CDKN3: variants seen among roughly 807,000 people sequenced by gnomAD.
CDKN3 encodes the protein cyclin dependent kinase inhibitor 3.
CDKN3 carries 19 observed loss-of-function variants against 36.1 expected under a neutral mutation model. The ratio of observed to expected loss-of-function variants is 0.53; its 90% CI spans 0.37 to 0.77. The LOEUF (loss-of-function observed/expected upper bound fraction) is 0.77, where lower values mean the gene tolerates loss of function less well. Among genes scored for constraint, CDKN3 ranks in the 30% least tolerant of loss-of-function variants. CDKN3 has a pLI of 0.00. For synonymous variants in CDKN3, 71 were observed against 85.3 expected (o/e 0.83, Z 0.92); for missense variants, 188 against 248.6 (o/e 0.76, Z 1.64).
chr14:54,417,427 G>A (rs1394462819), intron 6 of CDKN3, among the ~76,000 whole-genome samples: 2 of 152,214 alleles, frequency 1.3e-5, no homozygotes, highest in Non-Finnish European at 2.9e-5. Flanking sequence ...TTCCGTTTAT[G>A]TGATTGCTCA....
rs1299244939 is a variant in CDKN3, at chr14:54,397,063, C to T, written c.-6C>T. The T allele has an allele frequency of 6.7e-7, 1 of 1,500,076 alleles. No individual in the cohort carries two copies. The highest frequency in any genetic ancestry group is 8.9e-7 in the Non-Finnish European group (1 of 1,121,604). The allele number at this position is 1,500,076 out of a possible 1,614,324, so 92.9% of individuals were successfully genotyped here. A position where few individuals can be genotyped will look rare whatever the true frequency, so the allele number is the denominator to read the frequency against. On this transcript the variant is annotated 5_prime_UTR_variant, in exon 1 of 8. Coordinates refer to ENST00000335183, the MANE Select transcript of CDKN3 (RefSeq NM_005192.4). ...CGGCACTGGTCTCGACGTGGGGCGG[C>T]CAGCGATGAAGCCGGTGAGTCGGAC...
At chr14:54,415,823 C>G in intron 5 of CDKN3, 76 bp from the exon 6 acceptor site, 1 of 1,018,272 alleles carries the variant, frequency 9.8e-7, no homozygotes, top group Non-Finnish European at 1.6e-6. Flanking sequence ...AAATAGAAGG[C>G]AGAAAGAGCA....
intron 3 of CDKN3, among the ~76,000 whole-genome samples, chr14:54,408,061 G>A (rs2030221916): frequency 6.6e-6 from 1 of 152,228 alleles, no homozygotes; most frequent in South Asian, 2.1e-4. Context: ...TGGAAATTAT[G>A]TTGCTATAAA....
In CDKN3 at chr14:54,417,921, A is replaced by G. The variant is rs2030603829; in HGVS notation, c.522A>G (p.Leu174=). The part of the protein sequence containing the change: ...PEQAIDSLRD[L]RGSGAIQTIK... The stretch of plus-strand genomic sequence containing the variant: ...AAGCCATAGACAGCCTGCGAGACCT[A>G]AGAGGATCCGGGGCAATACAGACCA... The change falls in exon 7 of 8, where the codon CTA becomes CTG. Residue 174 remains leucine, a synonymous_variant. Coordinates refer to ENST00000335183, the MANE Select transcript of CDKN3 (RefSeq NM_005192.4). The G allele has an allele frequency of 2.5e-6, 4 of 1,594,122 alleles. No homozygotes were observed. Among genetic ancestry groups the G allele is most frequent in the East Asian group, 2.3e-5 (1 of 44,390 alleles).
intron 3 of CDKN3, among the ~76,000 whole-genome samples, chr14:54,407,627 A>C (rs2139976203): frequency 6.6e-6 from 1 of 152,272 alleles, no homozygotes; most frequent in Middle Eastern, 3.4e-3. Flanking sequence ...CAAACTTCCG[A>C]CTGGCTTTGT....
chr14:54,418,373 T>C, intron 7 of CDKN3: 1 of 670,602 alleles, frequency 1.5e-6, no homozygotes, highest in Non-Finnish European at 2.7e-6. Flanking sequence ...CACCAAAACA[T>C]TTAATAAAGA....
At chr14:54,417,143 A>T (rs1292845513) in intron 6 of CDKN3, among the ~76,000 whole-genome samples, 1 of 152,260 alleles carries the variant, frequency 6.6e-6, no homozygotes, top group Non-Finnish European at 1.5e-5. Flanking sequence ...ACAAGTAAAC[A>T]TTAACATATG....
At chr14:54,398,878 G>A (rs1886393674) in intron 1 of CDKN3, among the ~76,000 whole-genome samples, 1 of 152,074 alleles carries the variant, frequency 6.6e-6, no homozygotes, top group Admixed American at 6.6e-5. Flanking sequence ...TTTGAGAAAA[G>A]GGGTGGGCAA....
intron 5 of CDKN3, 117 bp from the exon 6 acceptor site, chr14:54,415,782 T>C: frequency 2.6e-6 from 2 of 759,928 alleles, no homozygotes; most frequent in Non-Finnish European, 4.7e-6. Context: ...AATCTTCGTG[T>C]GCAAGGCACT....
chr14:54,410,049 T>C (rs1258731091), intron 4 of CDKN3, among the ~76,000 whole-genome samples: 2 of 152,206 alleles, frequency 1.3e-5, no homozygotes, highest in Non-Finnish European at 2.9e-5. Context: ...AAGCAAAATA[T>C]ATGTAATTTA....
chr14:54,401,420 A>T, intron 2 of CDKN3, 104 bp from the exon 3 acceptor site: 1 of 679,454 alleles, frequency 1.5e-6, no homozygotes, highest in Non-Finnish European at 2.6e-6. Flanking sequence ...TAAAACTTTA[A>T]CACAACTTTA....
At chr14:54,397,556 C>T (rs1384254626) in intron 1 of CDKN3, among the ~76,000 whole-genome samples, 1 of 152,218 alleles carries the variant, frequency 6.6e-6, no homozygotes, top group Admixed American at 6.5e-5. Context: ...TGCCCCAGGG[C>T]CACCTGGCAA....
In CDKN3 at chr14:54,418,812, C is replaced by T. The variant is rs145200646; in HGVS notation, c.552+861C>T. Among the ~76,000 whole-genome samples, 352 of 152,284 alleles carry T rather than the reference C, an allele frequency of 2.3e-3. 3 individuals carry two copies. The highest frequency in any genetic ancestry group is 8.2e-3 in the African/African-American group (341 of 41,560). ...AAGGTCATTAACGGGACAATCCATA[C>T]AAGATCCACTCCACTGTACAGGTCT... is the stretch of plus-strand genomic sequence containing the variant. On this transcript the variant is annotated intron_variant, in intron 7 of 7. Transcript: ENST00000335183.
intron 2 of CDKN3, 63 bp from the exon 3 acceptor site, chr14:54,401,461 T>C: frequency 8.7e-7 from 1 of 1,151,174 alleles, no homozygotes; most frequent in Non-Finnish European, 1.3e-6. Flanking sequence ...TTGATTAAAC[T>C]GAATTTCCAT....
chr14:54,414,427 T>C (rs1312599317), intron 5 of CDKN3, among the ~76,000 whole-genome samples: 2 of 151,878 alleles, frequency 1.3e-5, no homozygotes, highest in African/African-American at 2.4e-5. Flanking sequence ...GAAATGAAAT[T>C]TGAGGTTTTA....
rs933207294 is a variant in CDKN3, at chr14:54,414,613, A to G, written c.417-1286A>G. On this transcript the variant is annotated intron_variant, in intron 5 of 7. Transcript: ENST00000335183. ...CAGGCTGGAGTGCAGTGGCACTGTC[A>G]TAGCTCACTGTAGCCTTGAACTGCC... 2.7e-5 allele frequency among the ~76,000 whole-genome samples: 4 copies of G among 149,722 alleles called. 1 individual carries two copies. The highest frequency in any genetic ancestry group is 5.9e-5 in the Non-Finnish European group (4 of 67,682).
intron 1 of CDKN3, among the ~76,000 whole-genome samples, chr14:54,398,764 C>G (rs1229121301): frequency 6.6e-6 from 1 of 152,092 alleles, no homozygotes. Flanking sequence ...GATCAGCATA[C>G]GAAGTCTATC....
At chr14:54,408,260 TC>T (rs2030230049) in intron 3 of CDKN3, among the ~76,000 whole-genome samples, 1 of 152,204 alleles carries the variant, frequency 6.6e-6, no homozygotes, top group Non-Finnish European at 1.5e-5. Context: ...TTTCACCACA[TC>T]CGTGCCAACA....
chr14:54,401,459 A>C, intron 2 of CDKN3, 65 bp from the exon 3 acceptor site: 1 of 1,120,364 alleles, frequency 8.9e-7, no homozygotes, highest in East Asian at 2.4e-5. Context: ...TATTGATTAA[A>C]CTGAATTTCC....
Sources: allele counts gnomAD v4.1 joint callset (sites outside exome capture counted in the v4.1 genomes callset), GRCh38; gene constraint gnomAD v4.1.1; transcripts MANE v1.5; gene names NCBI Gene and HGNC (gene_info 2026-07-23, HGNC 2026-07-21).